TIMP3: variants seen among roughly 807,000 people sequenced by gnomAD.
The protein encoded by TIMP3 is TIMP metallopeptidase inhibitor 3.
TIMP3 carries 11 observed loss-of-function variants against 30.0 expected under a neutral mutation model. The ratio of observed to expected loss-of-function variants is 0.37; its 90% CI spans 0.23 to 0.61. TIMP3 has a LOEUF of 0.61. TIMP3 is among the 20% of genes least tolerant of loss of function. TIMP3 has a pLI of 0.70. For missense variants in TIMP3, 181 were observed against 276.8 expected, an observed-to-expected ratio of 0.65 and a Z score of 2.45; for synonymous variants, 112 against 111.3, an observed-to-expected ratio of 1.01 and a Z score of -0.04.
intron 1 of TIMP3, among the ~76,000 whole-genome samples, chr22:32,838,241 G>T (rs130302): frequency 1.3e-5 from 2 of 152,206 alleles, no homozygotes; most frequent in Non-Finnish European, 2.9e-5. Flanking sequence ...AATTTCAAGT[G>T]GACTTGAGGA....
At chr22:32,820,673 C>A (rs1034327645) in intron 1 of TIMP3, among the ~76,000 whole-genome samples, 1 of 152,052 alleles carries the variant, frequency 6.6e-6, no homozygotes, top group Non-Finnish European at 1.5e-5. Flanking sequence ...ATCACCAGGA[C>A]CTGATTACCC....
intron 1 of TIMP3, among the ~76,000 whole-genome samples, chr22:32,847,584 A>T (rs572627932): frequency 6.6e-6 from 1 of 152,296 alleles, no homozygotes; most frequent in Non-Finnish European, 1.5e-5. Context: ...ATGGATGAGG[A>T]ATCAGTTCTT....
chr22:32,820,201 C>T (rs2047197604), intron 1 of TIMP3, among the ~76,000 whole-genome samples: 2 of 152,006 alleles, frequency 1.3e-5, no homozygotes, highest in Non-Finnish European at 2.9e-5. Context: ...TCCCTCAGGG[C>T]ATGATCACAG....
intron 2 of TIMP3, among the ~76,000 whole-genome samples, chr22:32,850,048 G>A (rs2048176140): frequency 6.6e-6 from 1 of 150,728 alleles, no homozygotes; most frequent in Non-Finnish European, 1.5e-5. Flanking sequence ...CTCATCCCAA[G>A]GCAGGAACTT....
chr22:32,810,098 A>C (rs1354221443), intron 1 of TIMP3, among the ~76,000 whole-genome samples: 1 of 152,204 alleles, frequency 6.6e-6, no homozygotes, highest in Non-Finnish European at 1.5e-5. Context: ...CAAAGTATTG[A>C]TTCTAGCTAA....
intron 1 of TIMP3, among the ~76,000 whole-genome samples, chr22:32,842,162 C>A (rs74438510): frequency 1.3e-5 from 2 of 152,156 alleles, no homozygotes; most frequent in Non-Finnish European, 2.9e-5. Context: ...AACAGGGCAG[C>A]GACTTCACCC....
At position 32,861,595 on chromosome 22, in the gene TIMP3, C is replaced by T. The variant is rs979374297; in HGVS notation, c.*2218C>T. 1.3e-5 allele frequency: 2 copies of T among 152,622 alleles called. No individual in the cohort carries two copies. Among genetic ancestry groups the T allele is most frequent in the African/African-American group, 2.4e-5 (1 of 41,460 alleles). The allele number at this position is 152,622 out of a possible 1,614,324, so 9.5% of individuals were successfully genotyped here. On this transcript the variant is annotated 3_prime_UTR_variant, in exon 5 of 5. Coordinates refer to ENST00000266085, the MANE Select transcript of TIMP3 (RefSeq NM_000362.5). ...TCCCTGGTGTGGTCAGCCTCTCTCA[C>T]ACAAGGAGGAACTTGGGTGAAGGCT...
rs1294539365 is a variant in TIMP3, at chr22:32,861,648, C to T, written c.*2271C>T. 1 of 152,574 alleles carries T rather than the reference C, an allele frequency of 6.6e-6. No homozygotes were observed. The highest frequency in any genetic ancestry group is 1.5e-5 in the Non-Finnish European group (1 of 68,038). 9.5% of individuals were successfully genotyped at this position (152,574 alleles called of 1,614,324 possible). A position where few individuals can be genotyped will look rare whatever the true frequency, so the allele number is the denominator to read the frequency against. On this transcript the variant is annotated 3_prime_UTR_variant, in exon 5 of 5. Transcript: ENST00000266085. ...GTGTGAGGCACCTGAAGTTTCCCTG[C>T]GGAGTCGATAAATTAGCAGAACCAC...
At chr22:32,823,482 C>T (rs990497482) in intron 1 of TIMP3, among the ~76,000 whole-genome samples, 6 of 152,142 alleles carry the variant, frequency 3.9e-5, no homozygotes, top group Non-Finnish European at 8.8e-5. Context: ...CCGTCTGTGT[C>T]CCAGCCCCAA....
intron 1 of TIMP3, among the ~76,000 whole-genome samples, chr22:32,840,242 T>G (rs2047855264): frequency 6.6e-6 from 1 of 152,202 alleles, no homozygotes; most frequent in Non-Finnish European, 1.5e-5. Flanking sequence ...CAAAAAAACC[T>G]GCTTAAATAA....
Position 32,859,352 on chromosome 22 carries a change from G to A in TIMP3, c.611G>A (p.Ser204Asn). ...WYRGWAPPDKSIINATDP is the reference protein window; with the variant it reads ...WYRGWAPPDKNIINATDP ...CGAGGATGGGCCCCCCCGGATAAAA[G>A]CATCATCAATGCCACAGACCCCTGA... Residue 204 changes from serine to asparagine, a missense_variant, in exon 5 of 5, where the codon AGC becomes AAC. By Grantham distance (46) the Ser-to-Asn change is conservative (BLOSUM62 1). This residue lies in a region of TIMP3 where 47 missense variants were observed against 63.8 expected (regional missense o/e 0.74). Coordinates refer to ENST00000266085, the MANE Select transcript of TIMP3 (RefSeq NM_000362.5). 2 of 1,612,472 alleles carry A rather than the reference G, an allele frequency of 1.2e-6. No homozygotes were observed. The highest frequency in any genetic ancestry group is 1.7e-6 in the Non-Finnish European group (2 of 1,180,014).
At chr22:32,845,525 C>G (rs1256487266) in intron 1 of TIMP3, among the ~76,000 whole-genome samples, 1 of 152,158 alleles carries the variant, frequency 6.6e-6, no homozygotes, top group Non-Finnish European at 1.5e-5. Flanking sequence ...CCCCACTAGA[C>G]TAGCCATCAG....
chr22:32,836,191 G>T (rs187791714), intron 1 of TIMP3, among the ~76,000 whole-genome samples: 1 of 152,210 alleles, frequency 6.6e-6, no homozygotes, highest in Admixed American at 6.5e-5. Flanking sequence ...AGAGTAAGAT[G>T]TACTGTTTGT....
intron 1 of TIMP3, among the ~76,000 whole-genome samples, chr22:32,802,422 T>A (rs1569235730): frequency 6.6e-6 from 1 of 151,424 alleles, no homozygotes; most frequent in African/African-American, 2.4e-5. Context: ...CCCCATTCAC[T>A]ACTAACGGAG....
rs766333710 is a variant in TIMP3 at position 32,862,320 on chromosome 22, C to G, written c.*2943C>G. 1.3e-5 allele frequency: 2 copies of G among 152,284 alleles called. No homozygotes were observed. The highest frequency in any genetic ancestry group is 2.9e-5 in the Non-Finnish European group (2 of 68,086). 9.4% of individuals were successfully genotyped at this position (152,284 alleles called of 1,614,324 possible). A position where few individuals can be genotyped will look rare whatever the true frequency, so the allele number is the denominator to read the frequency against. Reference sequence around the variant, plus strand: ...GCTCCATGCTCAGGCTCTCAGCTCTCGGGCCAGTGCTCTGCTCTGTCCAGG... The same window carrying G: ...GCTCCATGCTCAGGCTCTCAGCTCTGGGGCCAGTGCTCTGCTCTGTCCAGG... On this transcript the variant is annotated 3_prime_UTR_variant, in exon 5 of 5. Transcript: ENST00000266085.
chr22:32,801,866 C>T lies in TIMP3; in HGVS notation c.-136C>T. 1 of 1,147,402 alleles carries T rather than the reference C, an allele frequency of 8.7e-7. No individual in the cohort carries two copies. The highest frequency in any genetic ancestry group is 1.1e-6 in the Non-Finnish European group (1 of 908,504). 71.1% of individuals were successfully genotyped at this position (1,147,402 alleles called of 1,614,324 possible). On this transcript the variant is annotated 5_prime_UTR_variant, in exon 1 of 5. Coordinates refer to ENST00000266085, the MANE Select transcript of TIMP3 (RefSeq NM_000362.5). This position sits in a 1 kb window ranked among gnomAD's most constrained non-coding sequence, Gnocchi z 4.7. ...CCCGTCCCGCCGGGCACTCGGAGGG[C>T]AGCGCGCCGGAGGCCAAGGTTGCCC...
At chr22:32,812,599 T>C (rs188083476) in intron 1 of TIMP3, among the ~76,000 whole-genome samples, 7 of 152,288 alleles carry the variant, frequency 4.6e-5, no homozygotes, top group Admixed American at 4.6e-4. Context: ...AATAAGGCTT[T>C]CCTTATCCAC....
chr22:32,850,688 C>A (rs1337687161), intron 2 of TIMP3, among the ~76,000 whole-genome samples: 5 of 152,144 alleles, frequency 3.3e-5, no homozygotes, highest in African/African-American at 1.2e-4. Flanking sequence ...AACTGTCCAG[C>A]CCTTTAACTT....
intron 1 of TIMP3, among the ~76,000 whole-genome samples, chr22:32,845,722 T>C (rs1351958176): frequency 1.3e-5 from 2 of 152,196 alleles, no homozygotes; most frequent in African/African-American, 2.4e-5. Context: ...CTGGCCCATC[T>C]GTAAAGCTGG....
Sources: allele counts gnomAD v4.1 joint callset (sites outside exome capture counted in the v4.1 genomes callset), GRCh38; gene constraint gnomAD v4.1.1; regional missense constraint gnomAD v4.1.1; non-coding constraint Gnocchi (gnomAD v3.1); transcripts MANE v1.5; gene names NCBI Gene and HGNC (gene_info 2026-07-23, HGNC 2026-07-21).